Variants in SLC4A4 observed in about 807,000 individuals in gnomAD.
SLC4A4 encodes the protein solute carrier family 4 member 4, also known as electrogenic sodium bicarbonate cotransporter 1.
A neutral mutation model predicts 111.5 loss-of-function variants in SLC4A4; 27 were observed. That is an observed-to-expected ratio of 0.24 (90% CI 0.18 to 0.33). The LOEUF is 0.33. Ranked by LOEUF, SLC4A4 falls within the 10% of genes least tolerant of loss-of-function variation. The probability of loss-of-function intolerance (pLI) is 1.00; values close to 1 mark genes in which losing one functional copy is unlikely to be tolerated. For synonymous variants in SLC4A4, 443 were observed against 463.4 expected (o/e 0.96, Z 0.57); for missense variants, 909 against 1,315.5 (o/e 0.69, Z 4.78).
chr4:71,441,069 A>G (rs1462931425), intron 8 of SLC4A4, among the ~76,000 whole-genome samples: 1 of 152,204 alleles, frequency 6.6e-6, no homozygotes, highest in Admixed American at 6.5e-5. Flanking sequence ...GGTTTTACAG[A>G]TGAAAAAAGG....
rs575507344 is a variant in SLC4A4 at position 71,561,739 on chromosome 4, C to T, written c.3099+1485C>T. Among the ~76,000 whole-genome samples the T allele has an allele frequency of 3.2e-3, 493 of 151,784 alleles. 6 individuals carry two copies. The highest frequency in any genetic ancestry group is 5.0e-3 in the Non-Finnish European group (338 of 67,808). ...GACTAAGACGTAATAGTCCGAAGAA[C>T]GATGTGTTTACACATTTAATAGAAA... is the stretch of plus-strand genomic sequence containing the variant. On this transcript the variant is annotated intron_variant, in intron 23 of 25. Coordinates refer to ENST00000264485, the MANE Select transcript of SLC4A4 (RefSeq NM_001098484.3).
At chr4:71,267,791 C>CAAAAAAA (rs71212002) in intron 3 of SLC4A4, among the ~76,000 whole-genome samples, 14 of 62,356 alleles carry the variant, frequency 2.2e-4, no homozygotes, top group African/African-American at 7.8e-4. Context: ...GAGAGTCTGC[C>CAAAAAAA]AAAAAAAAAA....
chr4:71,304,330 G>A (rs921073768), intron 3 of SLC4A4, among the ~76,000 whole-genome samples: 2 of 152,226 alleles, frequency 1.3e-5, no homozygotes, highest in Non-Finnish European at 2.9e-5. Flanking sequence ...GAATTGGGGG[G>A]CCAATGTCCT....
chr4:71,112,151 C>T (rs746697783), intron 2 of SLC4A4, among the ~76,000 whole-genome samples: 2 of 152,204 alleles, frequency 1.3e-5, no homozygotes, highest in Non-Finnish European at 2.9e-5. Context: ...GCTGCTATGG[C>T]ACCAGATTTC....
At position 71,106,235 on chromosome 4, in the gene SLC4A4, A is replaced by G. The variant is rs1742914694; in HGVS notation, c.-2+13443A>G. Among the ~76,000 whole-genome samples, 4 of 148,276 alleles carry G rather than the reference A, an allele frequency of 2.7e-5. No homozygotes were observed. The South Asian group carries it at 8.7e-4, about 32-fold the overall frequency. ...AAACCACAATGAGCTACCATCTCAC[A>G]CCAGTTAGAAAGGCAATCATTAAAA... On this transcript the variant is annotated intron_variant, in intron 2 of 26. Coordinates refer to the SLC4A4 transcript ENST00000649996.
At chr4:71,142,449 C>T (rs1744024661) in intron 2 of SLC4A4, among the ~76,000 whole-genome samples, 1 of 152,140 alleles carries the variant, frequency 6.6e-6, no homozygotes. Flanking sequence ...ATGGCTTTTG[C>T]TGCTCCCTGT....
intron 18 of SLC4A4, 101 bp from the exon 19 acceptor site, chr4:71,546,249 C>T (rs1007538381): frequency 5.9e-6 from 6 of 1,009,646 alleles, no homozygotes; most frequent in Admixed American, 1.7e-5. Flanking sequence ...CCAAGCAAAG[C>T]AAGTCAGTTT....
At chr4:71,246,592 C>T (rs1308785497) in intron 2 of SLC4A4, among the ~76,000 whole-genome samples, 1 of 152,156 alleles carries the variant, frequency 6.6e-6, no homozygotes, top group Non-Finnish European at 1.5e-5. Flanking sequence ...AGAACATTGT[C>T]ATATTTTGGA....
intron 3 of SLC4A4, among the ~76,000 whole-genome samples, chr4:71,261,949 G>T (rs1046635547): frequency 6.6e-6 from 1 of 152,142 alleles, no homozygotes; most frequent in Non-Finnish European, 1.5e-5. Context: ...TGGAAAATGG[G>T]GGGAAACCAG....
intron 14 of SLC4A4, among the ~76,000 whole-genome samples, chr4:71,478,812 A>C (rs1168317544): frequency 6.6e-6 from 1 of 151,806 alleles, no homozygotes; most frequent in Non-Finnish European, 1.5e-5. Flanking sequence ...ACAAACACAT[A>C]TTATAAAATG....
chr4:71,499,687 G>T (rs1578050661), intron 16 of SLC4A4, among the ~76,000 whole-genome samples: 2 of 148,810 alleles, frequency 1.3e-5, no homozygotes, highest in Admixed American at 6.9e-5. Context: ...GTCTGTCTGT[G>T]CTTGGCTCAT....
intron 1 of SLC4A4, among the ~76,000 whole-genome samples, chr4:71,064,799 G>A (rs1741474190): frequency 6.6e-6 from 1 of 152,192 alleles, no homozygotes; most frequent in African/African-American, 2.4e-5. Flanking sequence ...ATAGACCTAG[G>A]TTAAAATTTG....
intron 3 of SLC4A4, among the ~76,000 whole-genome samples, chr4:71,287,170 G>A (rs1432476121): frequency 6.6e-6 from 1 of 152,148 alleles, no homozygotes; most frequent in East Asian, 1.9e-4. Flanking sequence ...ATACATTATA[G>A]CAGGCTGCCA....
At chr4:71,475,723 A>G (rs1324206589) in intron 14 of SLC4A4, among the ~76,000 whole-genome samples, 1 of 151,878 alleles carries the variant, frequency 6.6e-6, no homozygotes, top group East Asian at 1.9e-4. Context: ...CATCTTCCTA[A>G]CCTGTAAACT....
chr4:71,330,263 T>C (rs1041680509), intron 3 of SLC4A4, among the ~76,000 whole-genome samples: 1 of 152,184 alleles, frequency 6.6e-6, no homozygotes, highest in African/African-American at 2.4e-5. Context: ...TATTGGCCTG[T>C]AGTTTTCCTT....
chr4:71,208,682 GC>G (rs1325091662), intron 1 of SLC4A4, among the ~76,000 whole-genome samples: 1 of 151,600 alleles, frequency 6.6e-6, no homozygotes, highest in Non-Finnish European at 1.5e-5. Context: ...TCCCATTACG[GC>G]CTTTTCTTTT....
At chr4:71,523,242 G>A (rs1299267668) in intron 16 of SLC4A4, among the ~76,000 whole-genome samples, 2 of 152,082 alleles carry the variant, frequency 1.3e-5, no homozygotes, top group Non-Finnish European at 2.9e-5. Flanking sequence ...CAAAGCAAAC[G>A]ACTCTGCTAT....
chr4:71,350,744 G>T (rs990578688), intron 5 of SLC4A4, among the ~76,000 whole-genome samples: 13 of 152,242 alleles, frequency 8.5e-5, no homozygotes, highest in Admixed American at 7.8e-4. Context: ...TTTGTCTACA[G>T]ATATACAAAG....
At chr4:71,141,726 C>G (rs1744003402) in intron 2 of SLC4A4, among the ~76,000 whole-genome samples, 1 of 152,128 alleles carries the variant, frequency 6.6e-6, no homozygotes, top group Non-Finnish European at 1.5e-5. Context: ...ATTAGTATTC[C>G]CCAACACTTA....
Sources: allele counts gnomAD v4.1 joint callset (sites outside exome capture counted in the v4.1 genomes callset), GRCh38; gene constraint gnomAD v4.1.1; transcripts MANE v1.5; gene names NCBI Gene and HGNC (gene_info 2026-07-23, HGNC 2026-07-21).